CSPP1: variants seen among roughly 807,000 people sequenced by gnomAD.
CSPP1 encodes the protein centrosome and spindle pole associated protein 1, also known as centrosome and spindle pole-associated protein 1.
Under a neutral mutation model 164.4 loss-of-function variants are expected in CSPP1, and 126 were observed. The observed-to-expected ratio is 0.77, with a 90% CI of 0.66 to 0.89. The LOEUF (loss-of-function observed/expected upper bound fraction) is 0.89, where lower values mean the gene tolerates loss of function less well. Ranked by LOEUF, CSPP1 falls within the 40% of genes least tolerant of loss-of-function variation. The pLI is 0.00. For missense variants in CSPP1, 1,395 were observed against 1,449.8 expected (o/e 0.96, Z 0.61); for synonymous variants, 472 against 476.7 (o/e 0.99, Z 0.13).
At chr8:67,088,552 T>A (rs1414393473) in intron 4 of CSPP1, among the ~76,000 whole-genome samples, 1 of 150,350 alleles carries the variant, frequency 6.7e-6, no homozygotes, top group Non-Finnish European at 1.5e-5. Context: ...CCTCCTAAAG[T>A]GCTGGGATTA....
chr8:67,186,473 C>A, intron 28 of CSPP1, among the ~76,000 whole-genome samples: 1 of 150,758 alleles, frequency 6.6e-6, no homozygotes, highest in Non-Finnish European at 1.5e-5. Context: ...GCCCACAAAT[C>A]TGATAACCTA....
Position 67,088,294 on chromosome 8 carries a change from T to C in CSPP1, c.303+2184T>C, listed in dbSNP as rs552207863. Among the ~76,000 whole-genome samples the C allele has an allele frequency of 2.0e-5, 3 of 152,030 alleles. No homozygotes were observed. In the South Asian group the frequency reaches 6.2e-4, roughly 32 times the overall value. ...TTTTAAGATTTTTTTGTTTGTTTTT[T>C]GGTTTTTTTTTGAGACAGAGTCTTG... On this transcript the variant is annotated intron_variant, in intron 4 of 30. Transcript: ENST00000678616.
chr8:67,157,848 A>G (rs1388252361), intron 19 of CSPP1: 1 of 152,154 alleles, frequency 6.6e-6, no homozygotes, highest in Admixed American at 6.5e-5. Flanking sequence ...ATTCAAGATG[A>G]AACTTAATTG....
intron 17 of CSPP1, among the ~76,000 whole-genome samples, chr8:67,145,941 A>C (rs1238180224): frequency 6.6e-6 from 1 of 151,810 alleles, no homozygotes; most frequent in African/African-American, 2.4e-5. Context: ...GTACATCACA[A>C]ATTTTTATGT....
chr8:67,180,527 C>T (rs1832761736), intron 28 of CSPP1, among the ~76,000 whole-genome samples: 1 of 152,002 alleles, frequency 6.6e-6, no homozygotes, highest in East Asian at 1.9e-4. Context: ...GGGGTAGATA[C>T]ATACATGTAA....
At chr8:67,190,622 C>A in intron 28 of CSPP1, 28 bp from the exon 29 acceptor site, 1 of 1,524,062 alleles carries the variant, frequency 6.6e-7, no homozygotes, top group Non-Finnish European at 9.1e-7. Flanking sequence ...AGTATTAAGA[C>A]TCCTTCTGCT....
At chr8:67,167,403 C>A (rs1327002208) in intron 24 of CSPP1, among the ~76,000 whole-genome samples, 3 of 149,328 alleles carry the variant, frequency 2.0e-5, no homozygotes, top group Non-Finnish European at 4.5e-5. Flanking sequence ...GGCTGCCCCC[C>A]ACCTCCCTCC....
chr8:67,124,034 G>A (rs1447325413), intron 15 of CSPP1, among the ~76,000 whole-genome samples: 1 of 151,576 alleles, frequency 6.6e-6, no homozygotes, highest in African/African-American at 2.4e-5. Flanking sequence ...CGAGTAGCTG[G>A]GACTACAGGC....
At chr8:67,128,969 G>T (rs566416027) in intron 15 of CSPP1, among the ~76,000 whole-genome samples, 3 of 152,072 alleles carry the variant, frequency 2.0e-5, no homozygotes, top group Non-Finnish European at 4.4e-5. Flanking sequence ...TCTGATGATT[G>T]AATGGTTAAA....
intron 16 of CSPP1, among the ~76,000 whole-genome samples, chr8:67,136,287 T>C (rs1243858433): frequency 1.3e-5 from 2 of 152,022 alleles, no homozygotes; most frequent in African/African-American, 4.8e-5. Context: ...ATGCAATATC[T>C]GTGGCCAGGC....
chr8:67,181,662 T>G (rs1833081462), intron 28 of CSPP1, among the ~76,000 whole-genome samples: 1 of 152,172 alleles, frequency 6.6e-6, no homozygotes, highest in Admixed American at 6.5e-5. Flanking sequence ...AAAAATAGGG[T>G]TTTTAAAATT....
At chr8:67,082,675 C>G (rs1294822587) in intron 3 of CSPP1, among the ~76,000 whole-genome samples, 2 of 152,046 alleles carry the variant, frequency 1.3e-5, no homozygotes, top group Non-Finnish European at 1.5e-5. Flanking sequence ...ATGATGAATG[C>G]TCTGTTAGAA....
At chr8:67,103,005 G>A in intron 7 of CSPP1, 32 bp from the exon 8 acceptor site, 3 of 1,305,206 alleles carry the variant, frequency 2.3e-6, no homozygotes, top group Non-Finnish European at 3.3e-6. Flanking sequence ...ACTGTATGTG[G>A]CACATGCTTT....
intron 1 of CSPP1, among the ~76,000 whole-genome samples, chr8:67,066,961 G>A (rs1805691153): frequency 6.6e-6 from 1 of 151,972 alleles, no homozygotes; most frequent in African/African-American, 2.4e-5. Flanking sequence ...TTGTCATGTT[G>A]GCCAGCCTGG....
At chr8:67,165,297 G>A (rs187131846) in intron 24 of CSPP1, among the ~76,000 whole-genome samples, 1 of 152,180 alleles carries the variant, frequency 6.6e-6, no homozygotes, top group African/African-American at 2.4e-5. Context: ...AAGAAAAGTT[G>A]CAAACAATAC....
chr8:67,098,882 T>C (rs1402157157), intron 7 of CSPP1, among the ~76,000 whole-genome samples: 2 of 151,208 alleles, frequency 1.3e-5, no homozygotes, highest in Admixed American at 1.3e-4. Context: ...CCAAAGTAAA[T>C]ATAAAAATTG....
At chr8:67,185,733 A>G (rs540124801) in intron 28 of CSPP1, among the ~76,000 whole-genome samples, 3 of 152,172 alleles carry the variant, frequency 2.0e-5, no homozygotes, top group African/African-American at 7.2e-5. Context: ...GCTGCTGAAG[A>G]TGATGAAGAT....
chr8:67,117,560 A>C (rs1423036859), intron 13 of CSPP1, among the ~76,000 whole-genome samples: 1 of 152,212 alleles, frequency 6.6e-6, no homozygotes, highest in Non-Finnish European at 1.5e-5. Context: ...TAAATTTATG[A>C]AATACTTAAA....
Position 67,158,507 on chromosome 8 carries a change from AAAG to A in CSPP1, c.2308_2310del (p.Glu770del), listed in dbSNP as rs2129560139. ...AGAGAGACTGAGAATTGCAGAAGAAAAAGAAGAAAGACGGCTTGCAGAACAGAG... is the reference window on the plus strand; with the variant it reads ...AGAGAGACTGAGAATTGCAGAAGAAAAAGAAAGACGGCTTGCAGAACAGAG... On this transcript the variant is annotated inframe_deletion, in exon 20 of 31. Transcript: ENST00000678616. 2 of 1,613,342 alleles carry A rather than the reference AAAG, an allele frequency of 1.2e-6. No individual in the cohort carries two copies. The highest frequency in any genetic ancestry group is 1.7e-6 in the Non-Finnish European group (2 of 1,179,538).
Sources: allele counts gnomAD v4.1 joint callset (sites outside exome capture counted in the v4.1 genomes callset), GRCh38; gene constraint gnomAD v4.1.1; transcripts MANE v1.5; gene names NCBI Gene and HGNC (gene_info 2026-07-23, HGNC 2026-07-21).